FAM47E: variants seen among roughly 807,000 people sequenced by gnomAD.
The protein encoded by FAM47E is family with sequence similarity 47 member E, also known as protein FAM47E.
In FAM47E, 32 loss-of-function variants were observed where a neutral mutation model predicts 41.6. The observed-to-expected ratio is 0.77, with a 90% CI of 0.58 to 1.03. The LOEUF (loss-of-function observed/expected upper bound fraction) is 1.03. Ranked by LOEUF, FAM47E falls within the 50% of genes least tolerant of loss-of-function variation. The pLI is 0.00. For synonymous variants in FAM47E, 184 were observed against 188.7 expected, an observed-to-expected ratio of 0.98 and a Z score of 0.20; for missense variants, 424 against 485.4, an observed-to-expected ratio of 0.87 and a Z score of 1.19.
In FAM47E at chr4:76,283,533, T is replaced by A; in HGVS notation, c.*75T>A. The A allele has an allele frequency of 1.1e-6, 1 of 926,216 alleles. No individual in the cohort carries two copies. Among genetic ancestry groups the A allele is most frequent in the Non-Finnish European group, 1.7e-6 (1 of 590,126 alleles). The allele number at this position is 926,216 out of a possible 1,614,324, so 57.4% of individuals were successfully genotyped here. A position where few individuals can be genotyped will look rare whatever the true frequency, so the allele number is the denominator to read the frequency against. ...TATTTCTCTGTCTCCTTTTAAAGAT[T>A]AAACAGAGTTTATGATGAGTGTCCC... On this transcript the variant is annotated 3_prime_UTR_variant, in exon 8 of 8. Transcript: ENST00000424749.
At chr4:76,255,018 G>A (rs1734131046) in intron 1 of FAM47E, among the ~76,000 whole-genome samples, 1 of 152,136 alleles carries the variant, frequency 6.6e-6, no homozygotes, top group Non-Finnish European at 1.5e-5. Flanking sequence ...GAGAGCAGAT[G>A]ATTTGTCTCC....
intron 4 of FAM47E, among the ~76,000 whole-genome samples, chr4:76,270,053 A>G (rs1734821730): frequency 1.3e-5 from 2 of 152,218 alleles, no homozygotes; most frequent in Admixed American, 1.3e-4. Context: ...AGTGACTTAA[A>G]TATAATTCAG....
intron 2 of FAM47E, among the ~76,000 whole-genome samples, chr4:76,261,871 A>T (rs1344103944): frequency 1.3e-5 from 2 of 152,226 alleles, no homozygotes; most frequent in Non-Finnish European, 2.9e-5. Context: ...GAAAAAAATA[A>T]ACATGAAAAC....
chr4:76,231,947 A>T (rs1056531548), intron 2 of FAM47E, among the ~76,000 whole-genome samples: 1 of 152,242 alleles, frequency 6.6e-6, no homozygotes, highest in Non-Finnish European at 1.5e-5. Context: ...TTCCAGTCAA[A>T]GACTTGGTAA....
rs535638189 is a variant in FAM47E, at chr4:76,280,501, G to T, written c.1104+160G>T. ...AAGGGCATGCTTCTCCCCAGACGGG[G>T]ACTCAGAGATAGGATATGGCATTTT... On this transcript the variant is annotated intron_variant, in intron 7 of 7. Transcript: ENST00000424749. The T allele has an allele frequency of 1.7e-5, 9 of 532,020 alleles. No homozygotes were observed. The South Asian group carries it at 2.6e-4, about 16-fold the overall frequency. 33.0% of individuals were successfully genotyped at this position (532,020 alleles called of 1,614,324 possible).
chr4:76,283,353 T>G, intron 7 of FAM47E, 28 bp from the exon 8 acceptor site: 3 of 1,419,222 alleles, frequency 2.1e-6, no homozygotes, highest in Non-Finnish European at 1.9e-6. Context: ...TTTGCCAATC[T>G]AATGAAGGTT....
intron 2 of FAM47E, among the ~76,000 whole-genome samples, chr4:76,238,412 C>A (rs1453174183): frequency 2.6e-5 from 4 of 152,274 alleles, no homozygotes; most frequent in Non-Finnish European, 5.9e-5. Context: ...AAATGGGCAA[C>A]AACTGCTCTG....
intron 1 of FAM47E, among the ~76,000 whole-genome samples, chr4:76,254,097 T>A (rs1446617305): frequency 6.8e-6 from 1 of 146,282 alleles, no homozygotes; most frequent in Non-Finnish European, 1.5e-5. Context: ...CACTGTACCC[T>A]AGCTTGAGCA....
At chr4:76,282,851 T>C (rs1222540501) in intron 7 of FAM47E, 3 of 152,222 alleles carry the variant, frequency 2.0e-5, no homozygotes, top group Admixed American at 1.3e-4. Context: ...GAATAAGATA[T>C]ATATGCATAT....
intron 2 of FAM47E, among the ~76,000 whole-genome samples, chr4:76,222,250 C>T (rs1017379508): frequency 2.7e-5 from 4 of 150,256 alleles, no homozygotes; most frequent in East Asian, 1.9e-4. Flanking sequence ...TTTCTGAGAC[C>T]GAGTCTCACT....
At chr4:76,261,879 A>AACAAGTGTC (rs1338693383) in intron 2 of FAM47E, among the ~76,000 whole-genome samples, 5 of 152,222 alleles carry the variant, frequency 3.3e-5, no homozygotes, top group Non-Finnish European at 5.9e-5. Context: ...TAAACATGAA[A>AACAAGTGTC]ACAAGTGTCA....
intron 2 of FAM47E, among the ~76,000 whole-genome samples, chr4:76,259,689 AT>A (rs1012095169): frequency 9.2e-5 from 14 of 152,154 alleles, no homozygotes; most frequent in Non-Finnish European, 1.8e-4. Flanking sequence ...ATCAATAAAA[AT>A]TTTTTTTCAT....
intron 2 of FAM47E, among the ~76,000 whole-genome samples, chr4:76,235,273 GCACCGCTGCA>G (rs1347577041): frequency 1.3e-5 from 2 of 152,084 alleles, no homozygotes; most frequent in Non-Finnish European, 2.9e-5. Context: ...AGCCGAGATC[GCACCGCTGCA>G]CTCCAGCCTG....
intron 2 of FAM47E, among the ~76,000 whole-genome samples, chr4:76,229,689 A>G (rs930594923): frequency 3.3e-5 from 5 of 152,176 alleles, no homozygotes; most frequent in Non-Finnish European, 5.9e-5. Flanking sequence ...GATGTGATCC[A>G]TCTTCAGGTT....
chr4:76,257,020 T>C (rs1302643939), intron 2 of FAM47E, among the ~76,000 whole-genome samples: 1 of 152,136 alleles, frequency 6.6e-6, no homozygotes, highest in Non-Finnish European at 1.5e-5. Flanking sequence ...AGCAGCTCTG[T>C]GATGTCACCA....
intron 5 of FAM47E, among the ~76,000 whole-genome samples, chr4:76,274,749 C>T (rs1365401560): frequency 6.6e-6 from 1 of 152,154 alleles, no homozygotes; most frequent in Admixed American, 6.5e-5. Context: ...ACACTGCCCT[C>T]TTTTCCTTTT....
chr4:76,222,296 A>G lies in FAM47E; in HGVS notation c.81+4608A>G, dbSNP rs573130243. Among the ~76,000 whole-genome samples the G allele has an allele frequency of 4.1e-4, 61 of 149,754 alleles. 3 individuals are homozygous for G. The South Asian group carries it at 0.013, about 31-fold the overall frequency. The stretch of plus-strand genomic sequence containing the variant: ...GGCTGGAGTGCAGTGGTGTGATCTC[A>G]GCTCACTGCAACCTTGGCCTTCTGG... On this transcript the variant is annotated intron_variant, in intron 2 of 7. Transcript: ENST00000510197.
chr4:76,249,754 A>T (rs1733912468), upstream of FAM47E, among the ~76,000 whole-genome samples: 1 of 151,808 alleles, frequency 6.6e-6, no homozygotes. Context: ...TTGCATCCCC[A>T]TAGCTTAGCT....
intron 6 of FAM47E, chr4:76,278,825 A>C (rs1384965933): frequency 6.6e-6 from 1 of 152,356 alleles, no homozygotes; most frequent in Non-Finnish European, 1.5e-5. Flanking sequence ...TAGCTAGTGG[A>C]AAGAAGATAC....
Sources: allele counts gnomAD v4.1 joint callset (sites outside exome capture counted in the v4.1 genomes callset), GRCh38; gene constraint gnomAD v4.1.1; transcripts MANE v1.5; gene names NCBI Gene and HGNC (gene_info 2026-07-23, HGNC 2026-07-21).